Variants in PACRG observed in about 807,000 individuals in gnomAD.
The protein encoded by PACRG is parkin coregulated gene protein.
In PACRG, 29 loss-of-function variants were observed where a neutral mutation model predicts 29.7. The ratio of observed to expected loss-of-function variants is 0.98; its 90% CI spans 0.73 to 1.33. The LOEUF (loss-of-function observed/expected upper bound fraction) is 1.33, where lower values mean the gene tolerates loss of function less well. PACRG is among the 40% of genes most tolerant of loss of function. The probability of loss-of-function intolerance (pLI) is 0.00; values close to 1 mark genes in which losing one functional copy is unlikely to be tolerated. For missense variants in PACRG, 279 were observed against 316.2 expected, an observed-to-expected ratio of 0.88 and a Z score of 0.89; for synonymous variants, 116 against 118.7, an observed-to-expected ratio of 0.98 and a Z score of 0.15.
At chr6:163,268,129 G>A (rs9458768) in intron 4 of PACRG, among the ~76,000 whole-genome samples, 5 of 152,204 alleles carry the variant, frequency 3.3e-5, no homozygotes, top group South Asian at 2.1e-4. Context: ...GGCCTGGCGC[G>A]GTGGCTCACA....
chr6:162,763,488 C>G (rs12215676), intron 1 of PACRG, among the ~76,000 whole-genome samples: 39,879 of 152,158 alleles, frequency 0.26, 6,076 homozygotes, highest in East Asian at 0.48. Context: ...TTATGAATGT[C>G]AAGGACTATT....
At chr6:163,145,844 G>T (rs768366734) in intron 4 of PACRG, among the ~76,000 whole-genome samples, 9 of 152,200 alleles carry the variant, frequency 5.9e-5, no homozygotes, top group Non-Finnish European at 1.2e-4. Context: ...TGTCTAGGGG[G>T]CACTGACGCC....
intron 4 of PACRG, among the ~76,000 whole-genome samples, chr6:163,292,201 T>A (rs1784632185): frequency 6.6e-6 from 1 of 152,106 alleles, no homozygotes; most frequent in African/African-American, 2.4e-5. Context: ...AAGACCGACC[T>A]CGACAGTCGA....
rs372694114 is a variant in PACRG at position 163,139,825 on chromosome 6, T to C, written c.613+50417T>C. Among the ~76,000 whole-genome samples, 105 of 152,346 alleles carry C rather than the reference T, an allele frequency of 6.9e-4. No individual in the cohort carries two copies. In the South Asian group the frequency reaches 0.018, roughly 26 times the overall value. ...CCAACAATTTTCCCAACCTTGTCTTTTACTATTTTCTTTGTAGACTTTCTA... is the reference window on the plus strand; with the variant it reads ...CCAACAATTTTCCCAACCTTGTCTTCTACTATTTTCTTTGTAGACTTTCTA... On this transcript the variant is annotated intron_variant, in intron 4 of 4. Transcript: ENST00000366888.
At chr6:162,967,052 T>C (rs971045745) in intron 2 of PACRG, among the ~76,000 whole-genome samples, 2 of 152,138 alleles carry the variant, frequency 1.3e-5, no homozygotes, top group African/African-American at 4.8e-5. Flanking sequence ...ACATTATTTA[T>C]GGTTTCCTTT....
Position 163,062,098 on chromosome 6 carries a change from G to A in PACRG, c.292-52G>A, listed in dbSNP as rs1811142419. ...GACAGCTGCATAGCTTGTCTGCCGT[G>A]CTCTGCCCGAATGCTGTTTTCACAT... On this transcript the variant is annotated intron_variant, in intron 2 of 4. Coordinates refer to ENST00000366888, the MANE Select transcript of PACRG (RefSeq NM_001080379.2). 5 of 1,586,454 alleles carry A rather than the reference G, an allele frequency of 3.2e-6. No homozygotes were observed. The African/African-American group carries it at 6.7e-5, about 21-fold the overall frequency.
intron 2 of PACRG, among the ~76,000 whole-genome samples, chr6:162,854,048 C>G (rs985551380): frequency 1.4e-4 from 22 of 151,828 alleles, no homozygotes; most frequent in African/African-American, 4.1e-4. Flanking sequence ...AATCTATGTC[C>G]ATAAATTTTA....
chr6:162,985,994 T>G (rs1023044042), intron 2 of PACRG, among the ~76,000 whole-genome samples: 52 of 152,080 alleles, frequency 3.4e-4, no homozygotes, highest in African/African-American at 1.2e-3. Flanking sequence ...TACTTAGGAA[T>G]GTACCTAACC....
intron 4 of PACRG, among the ~76,000 whole-genome samples, chr6:163,152,774 A>G (rs1778151189): frequency 6.6e-6 from 1 of 152,208 alleles, no homozygotes; most frequent in South Asian, 2.1e-4. Flanking sequence ...TGGCAAAGTG[A>G]TTTTGAAAAA....
intron 4 of PACRG, chr6:163,165,711 G>T (rs901651303): frequency 4.2e-6 from 1 of 235,960 alleles, no homozygotes; most frequent in Admixed American, 5.3e-5. Flanking sequence ...CTTCAAGTCG[G>T]TTCACCCTGT....
chr6:162,734,449 AATTAT>A (rs76304780), intron 1 of PACRG, among the ~76,000 whole-genome samples: 13,773 of 152,154 alleles, frequency 0.091, 783 homozygotes, highest in Non-Finnish European at 0.13. Context: ...ACTTAAATTA[AATTAT>A]ATCAAACATC....
At chr6:163,089,001 C>A (rs1414998070) in intron 3 of PACRG, among the ~76,000 whole-genome samples, 1 of 152,040 alleles carries the variant, frequency 6.6e-6, no homozygotes, top group African/African-American at 2.4e-5. Context: ...GCCTCTTCTA[C>A]GAGGGGAAAA....
chr6:162,895,080 G>A (rs762568725), intron 2 of PACRG, among the ~76,000 whole-genome samples: 13 of 151,450 alleles, frequency 8.6e-5, no homozygotes, highest in Non-Finnish European at 1.5e-4. Context: ...GGGCAACATG[G>A]TGAGATCCCC....
At chr6:162,941,182 A>G (rs1331539412) in intron 2 of PACRG, among the ~76,000 whole-genome samples, 2 of 152,052 alleles carry the variant, frequency 1.3e-5, no homozygotes, top group Non-Finnish European at 2.9e-5. Context: ...TCAAGCCCTC[A>G]TCCCACGGAC....
chr6:162,727,576 G>A (rs1254152717), upstream of PACRG: 6 of 1,382,428 alleles, frequency 4.3e-6, no homozygotes, highest in African/African-American at 4.3e-5. Context: ...TGGCACCGGG[G>A]GTCCTGGTCG....
chr6:163,274,222 G>A (rs572063482), intron 4 of PACRG, among the ~76,000 whole-genome samples: 3 of 152,218 alleles, frequency 2.0e-5, no homozygotes, highest in Admixed American at 6.5e-5. Context: ...GATGTTCTCT[G>A]CCCTGTGTCC....
upstream of PACRG, chr6:162,727,557 A>AT: frequency 7.9e-7 from 1 of 1,264,012 alleles, no homozygotes; most frequent in Non-Finnish European, 1.1e-6. Flanking sequence ...TGGCCCCGTC[A>AT]TTGACAGTTG....
At chr6:162,958,110 A>C (rs1800205806) in intron 2 of PACRG, among the ~76,000 whole-genome samples, 1 of 152,222 alleles carries the variant, frequency 6.6e-6, no homozygotes, top group Non-Finnish European at 1.5e-5. Flanking sequence ...AACTTTAAGC[A>C]AAAGAAAATA....
intron 2 of PACRG, among the ~76,000 whole-genome samples, chr6:162,967,426 C>G (rs151151811): frequency 6.6e-6 from 1 of 152,100 alleles, no homozygotes; most frequent in Non-Finnish European, 1.5e-5. Context: ...AAATCTATGT[C>G]ACATCTACTG....
Sources: allele counts gnomAD v4.1 joint callset (sites outside exome capture counted in the v4.1 genomes callset), GRCh38; gene constraint gnomAD v4.1.1; transcripts MANE v1.5; gene names NCBI Gene and HGNC (gene_info 2026-07-23, HGNC 2026-07-21).